SLC38A1: variants seen among roughly 807,000 people sequenced by gnomAD.
SLC38A1 encodes the protein solute carrier family 38 member 1.
A neutral mutation model predicts 60.3 loss-of-function variants in SLC38A1; 18 were observed. The observed-to-expected ratio is 0.30, with a 90% CI of 0.21 to 0.44. The LOEUF is 0.44. Among genes scored for constraint, SLC38A1 ranks in the 20% least tolerant of loss-of-function variants. The pLI, the probability that SLC38A1 is intolerant of heterozygous loss-of-function variation, is 1.00. For missense variants in SLC38A1, 448 were observed against 587.2 expected (o/e 0.76, Z 2.45); for synonymous variants, 196 against 212.1 (o/e 0.92, Z 0.66).
At chr12:46,258,550 C>A (rs554944130) in intron 1 of SLC38A1, among the ~76,000 whole-genome samples, 23 of 152,282 alleles carry the variant, frequency 1.5e-4, no homozygotes, top group Middle Eastern at 3.4e-3. Context: ...TTGACTGTGA[C>A]CTATCACAGG....
intron 1 of SLC38A1, among the ~76,000 whole-genome samples, chr12:46,256,753 C>T (rs1020093697): frequency 1.3e-5 from 2 of 152,204 alleles, no homozygotes; most frequent in African/African-American, 4.8e-5. Flanking sequence ...GGCTGCATCA[C>T]AGCCCTGGGG....
At position 46,217,723 on chromosome 12, in the gene SLC38A1, T is replaced by A. The variant is rs184532631; in HGVS notation, c.315-8596A>T. On this transcript the variant is annotated intron_variant, in intron 5 of 16. Coordinates refer to ENST00000398637, the MANE Select transcript of SLC38A1 (RefSeq NM_030674.4). ...CTAAATTCTGATCAAATTTCAAAAT[T>A]CTGAGGGTCAGAAGACCAGCACACG... Among the ~76,000 whole-genome samples the A allele has an allele frequency of 4.6e-5, 7 of 152,260 alleles. No homozygotes were observed. In the South Asian group the frequency reaches 6.2e-4, roughly 14 times the overall value.
chr12:46,239,921 C>G, intron 2 of SLC38A1, 28 bp from the exon 3 acceptor site: 1 of 838,680 alleles, frequency 1.2e-6, no homozygotes. Flanking sequence ...AAAAAAATAA[C>G]TAAACATATG....
At chr12:46,215,431 A>G (rs1940362604) in intron 5 of SLC38A1, among the ~76,000 whole-genome samples, 1 of 151,604 alleles carries the variant, frequency 6.6e-6, no homozygotes, top group Non-Finnish European at 1.5e-5. Context: ...TTTTTTCTTG[A>G]GACAGAGTCT....
At chr12:46,232,282 G>A (rs573449730) in intron 3 of SLC38A1, among the ~76,000 whole-genome samples, 1 of 152,308 alleles carries the variant, frequency 6.6e-6, no homozygotes, top group African/African-American at 2.4e-5. Flanking sequence ...GTATAGGAAC[G>A]TCAGGCTGTG....
chr12:46,267,206 TC>T (rs1942379150), intron 1 of SLC38A1: 1 of 152,202 alleles, frequency 6.6e-6, no homozygotes, highest in Admixed American at 6.5e-5. Context: ...CAAAACCCCT[TC>T]CAAACGCAAA....
chr12:46,248,156 T>C (rs1167501384), intron 1 of SLC38A1, among the ~76,000 whole-genome samples: 5 of 152,170 alleles, frequency 3.3e-5, no homozygotes, highest in African/African-American at 7.2e-5. Context: ...ACTAACATCA[T>C]AATGACAGGA....
chr12:46,195,450 C>G (rs948162798), intron 16 of SLC38A1, among the ~76,000 whole-genome samples: 1 of 152,184 alleles, frequency 6.6e-6, no homozygotes, highest in Non-Finnish European at 1.5e-5. Context: ...GAATGCCATG[C>G]TGAGAGAACC....
chr12:46,198,587 C>G, intron 14 of SLC38A1, 38 bp downstream of exon 14: 1 of 1,418,144 alleles, frequency 7.1e-7, no homozygotes, highest in African/African-American at 1.4e-5. Context: ...AAGCCGAGAC[C>G]TCAGCTTTTC....
intron 16 of SLC38A1, among the ~76,000 whole-genome samples, chr12:46,192,643 T>C (rs1035909598): frequency 1.3e-5 from 2 of 152,244 alleles, no homozygotes; most frequent in Admixed American, 6.5e-5. Flanking sequence ...ATTCAGCTTC[T>C]TCCTGGTTTA....
In SLC38A1 at chr12:46,268,297, G is replaced by A. The variant is rs1398059472; in HGVS notation, c.-209+229C>T. On this transcript the variant is annotated intron_variant, in intron 1 of 16. Coordinates refer to ENST00000398637, the MANE Select transcript of SLC38A1 (RefSeq NM_030674.4). The surrounding 1 kb of genome is among the most constrained non-coding windows in gnomAD (Gnocchi z 4.4). ...AAAAGTAAGCCACAGCCCACGCAAA[G>A]GTGAACTCGGGGGCCCTGGCGCTTC... Among the ~76,000 whole-genome samples the A allele has an allele frequency of 2.0e-5, 3 of 152,222 alleles. No homozygotes were observed. The highest frequency in any genetic ancestry group is 7.2e-5 in the African/African-American group (3 of 41,452).
At chr12:46,249,305 A>G (rs933260038) in intron 1 of SLC38A1, among the ~76,000 whole-genome samples, 1 of 152,220 alleles carries the variant, frequency 6.6e-6, no homozygotes, top group Non-Finnish European at 1.5e-5. Context: ...AAGACACATC[A>G]TACCAGAATC....
At chr12:46,213,044 G>C (rs1940245680) in intron 5 of SLC38A1, among the ~76,000 whole-genome samples, 1 of 152,164 alleles carries the variant, frequency 6.6e-6, no homozygotes, top group Non-Finnish European at 1.5e-5. Flanking sequence ...TTCATCTTGT[G>C]ATGAAGTGTT....
Position 46,224,618 on chromosome 12 carries a change from C to T in SLC38A1, c.314+4535G>A, listed in dbSNP as rs1421843547. The stretch of plus-strand genomic sequence containing the variant: ...TGGCCAATGTGAGTCTGGAATGGAG[C>T]CCTGTACCAGATGAAATATCTTGAT... On this transcript the variant is annotated intron_variant, in intron 5 of 16. Coordinates refer to ENST00000398637, the MANE Select transcript of SLC38A1 (RefSeq NM_030674.4). Among the ~76,000 whole-genome samples, 5 of 152,250 alleles carry T rather than the reference C, an allele frequency of 3.3e-5. 1 individual carries two copies. The highest frequency in any genetic ancestry group is 2.6e-4 in the Admixed American group (4 of 15,290).
intron 1 of SLC38A1, among the ~76,000 whole-genome samples, chr12:46,260,842 T>C (rs1484966846): frequency 6.6e-6 from 1 of 152,102 alleles, no homozygotes; most frequent in South Asian, 2.1e-4. Context: ...CCACAGTCAC[T>C]CTCCGCCACG....
chr12:46,253,909 G>A (rs1328204122), intron 1 of SLC38A1, among the ~76,000 whole-genome samples: 1 of 152,134 alleles, frequency 6.6e-6, no homozygotes, highest in East Asian at 1.9e-4. Context: ...GACGCGCTCA[G>A]TCAGAAAGCA....
intron 1 of SLC38A1, among the ~76,000 whole-genome samples, chr12:46,262,618 G>A (rs1050385141): frequency 1.3e-5 from 2 of 152,172 alleles, no homozygotes; most frequent in African/African-American, 4.8e-5. Flanking sequence ...GATTGCTATT[G>A]TACTAAAAAA....
At chr12:46,214,801 CA>C (rs1213211412) in intron 5 of SLC38A1, among the ~76,000 whole-genome samples, 1 of 152,190 alleles carries the variant, frequency 6.6e-6, no homozygotes, top group Non-Finnish European at 1.5e-5. Flanking sequence ...AACACAGCAT[CA>C]GAACCTTTGG....
intron 14 of SLC38A1, 67 bp downstream of exon 14, chr12:46,198,558 G>T (rs950966582): frequency 2.8e-6 from 3 of 1,060,578 alleles, no homozygotes; most frequent in South Asian, 1.6e-5. Context: ...TCTGCAACGG[G>T]CTCCTGCAGG....
Sources: allele counts gnomAD v4.1 joint callset (sites outside exome capture counted in the v4.1 genomes callset), GRCh38; gene constraint gnomAD v4.1.1; non-coding constraint Gnocchi (gnomAD v3.1); transcripts MANE v1.5; gene names NCBI Gene and HGNC (gene_info 2026-07-23, HGNC 2026-07-21).